The following ATP6V0A2 variants were observed in gnomAD, a reference collection of about 807,000 sequenced individuals.
ATP6V0A2 encodes the protein V-type proton ATPase 116 kDa subunit a 2.
ATP6V0A2 carries 58 observed loss-of-function variants against 104.4 expected under a neutral mutation model. The ratio of observed to expected loss-of-function variants is 0.56; its 90% CI spans 0.45 to 0.69. The LOEUF is 0.69. ATP6V0A2 is among the 30% of genes least tolerant of loss of function. ATP6V0A2 has a pLI of 0.00. For synonymous variants in ATP6V0A2, 376 were observed against 397.9 expected (o/e 0.95, Z 0.65); for missense variants, 938 against 1,062.9 (o/e 0.88, Z 1.63).
chr12:123,716,223 C>T (rs760614791), intron 1 of ATP6V0A2, among the ~76,000 whole-genome samples: 25 of 152,094 alleles, frequency 1.6e-4, no homozygotes, highest in Non-Finnish European at 2.6e-4. Context: ...CGCGCCACCA[C>T]GCCTGGCTAA....
rs1406023742 is a variant in ATP6V0A2 at position 123,748,656 on chromosome 12, A to G, written c.1806A>G (p.Ile602Met). 1.9e-6 allele frequency: 3 copies of G among 1,613,970 alleles called. No homozygotes were observed. The East Asian group carries it at 6.7e-5, about 36-fold the overall frequency. ...TGCTCTGTATCTTTGGATACCTTAT[A>G]TTTATGATTTTCTACAAGTGGCTGG... Reference protein sequence around the residue: ...LFMLCIFGYLIFMIFYKWLVF... With the variant: ...LFMLCIFGYLMFMIFYKWLVF... Residue 602 changes from isoleucine (I) to methionine (M), a missense_variant, in exon 15 of 20, where the codon ATA becomes ATG. Transcript: ENST00000330342.
At position 123,744,059 on chromosome 12, in the gene ATP6V0A2, T is replaced by A; in HGVS notation, c.1189+124T>A. On this transcript the variant is annotated intron_variant, in intron 10 of 19. Transcript: ENST00000330342. This position sits in a 1 kb window ranked among gnomAD's most constrained non-coding sequence, Gnocchi z 5.4. Reference sequence around the variant, plus strand: ...ACTTTTTTGCTATCTTATTTAAAAGTATAAGGTTTTAAATGTAACCACACA... The same window carrying A: ...ACTTTTTTGCTATCTTATTTAAAAGAATAAGGTTTTAAATGTAACCACACA... The A allele has an allele frequency of 6.5e-7, 1 of 1,530,950 alleles. No homozygotes were observed. The highest frequency in any genetic ancestry group is 9.0e-7 in the Non-Finnish European group (1 of 1,106,340). 94.8% of individuals were successfully genotyped at this position (1,530,950 alleles called of 1,614,324 possible).
chr12:123,715,667 A>G (rs150655285), intron 1 of ATP6V0A2, among the ~76,000 whole-genome samples: 101 of 152,366 alleles, frequency 6.6e-4, no homozygotes, highest in African/African-American at 2.4e-3. Flanking sequence ...ATTGTGAGAA[A>G]TGTGGAAAAC....
intron 2 of ATP6V0A2, among the ~76,000 whole-genome samples, chr12:123,720,595 G>A (rs1282045683): frequency 6.6e-6 from 1 of 152,184 alleles, no homozygotes; most frequent in African/African-American, 2.4e-5. Flanking sequence ...TCAGGAGGCT[G>A]AGGTGGGAGA....
chr12:123,718,829 A>G (rs1222708311), intron 2 of ATP6V0A2, 128 bp downstream of exon 2: 1 of 653,486 alleles, frequency 1.5e-6, no homozygotes, highest in African/African-American at 1.8e-5. Context: ...CTCATTCAGA[A>G]GTAATCACAG....
chr12:123,750,725 A>T (rs555295063), intron 15 of ATP6V0A2: 5 of 295,540 alleles, frequency 1.7e-5, no homozygotes. Context: ...TAGTCCTCAG[A>T]CGGTCTTTAT....
At chr12:123,746,194 T>G (rs2135912035) in intron 13 of ATP6V0A2, among the ~76,000 whole-genome samples, 1 of 152,186 alleles carries the variant, frequency 6.6e-6, no homozygotes, top group African/African-American at 2.4e-5. Flanking sequence ...TGAGTGAGTT[T>G]TTTTTTTGGG....
intron 9 of ATP6V0A2, among the ~76,000 whole-genome samples, chr12:123,738,098 C>T (rs546040614): frequency 6.6e-6 from 1 of 152,286 alleles, no homozygotes; most frequent in South Asian, 2.1e-4. Flanking sequence ...AAGGGGAATA[C>T]CTTTTTTTTG....
chr12:123,740,241 C>T (rs1343019645), intron 9 of ATP6V0A2, among the ~76,000 whole-genome samples: 5 of 149,242 alleles, frequency 3.4e-5, no homozygotes, highest in African/African-American at 7.4e-5. Context: ...CTGGCTCTTT[C>T]GCCCACGCTG....
intron 15 of ATP6V0A2, 78 bp from the exon 16 acceptor site, chr12:123,751,032 C>G: frequency 3.1e-6 from 5 of 1,590,732 alleles, no homozygotes; most frequent in East Asian, 4.5e-5. Context: ...TCGATCTTTC[C>G]TGATTTCATC....
At chr12:123,741,110 C>T (rs1278952393) in intron 9 of ATP6V0A2, among the ~76,000 whole-genome samples, 2 of 152,092 alleles carry the variant, frequency 1.3e-5, no homozygotes, top group East Asian at 3.9e-4. Flanking sequence ...TTGGGCTTCT[C>T]CCTCCTCTTG....
intron 17 of ATP6V0A2, among the ~76,000 whole-genome samples, chr12:123,753,631 C>T (rs975406203): frequency 1.3e-5 from 2 of 152,214 alleles, no homozygotes; most frequent in Admixed American, 1.3e-4. Flanking sequence ...AGGGCTTCAG[C>T]ATAAGACTTT....
intron 7 of ATP6V0A2, among the ~76,000 whole-genome samples, 183 bp downstream of exon 7, chr12:123,734,191 A>G (rs1222283749): frequency 6.6e-6 from 1 of 152,226 alleles, no homozygotes; most frequent in African/African-American, 2.4e-5. Flanking sequence ...CATTACTTAA[A>G]ATAATTTAAA....
intron 6 of ATP6V0A2, among the ~76,000 whole-genome samples, chr12:123,729,744 G>C (rs988911680): frequency 6.6e-6 from 1 of 152,094 alleles, no homozygotes; most frequent in Non-Finnish European, 1.5e-5. Flanking sequence ...AGGAATTTTG[G>C]CTGTAAGATT....
rs763576273 is a variant in ATP6V0A2 at position 123,744,889 on chromosome 12, G to A, written c.1522G>A (p.Val508Ile). 5.6e-6 allele frequency: 9 copies of A among 1,614,060 alleles called. No individual in the cohort carries two copies. Among genetic ancestry groups the A allele is most frequent in the Middle Eastern group, 1.6e-4 (1 of 6,084 alleles). ...HKKMVLWNDSVVRHNSILQLD... is the reference protein window; with the variant it reads ...HKKMVLWNDSIVRHNSILQLD... ...CTCTGCTTTTTGTTACAGTGACAGC[G>A]TCGTTAGACACAACAGCATTTTGCA... The change falls in exon 13 of 20, where the codon GTC (valine) becomes ATC (isoleucine). Residue 508 changes from valine to isoleucine, a missense_variant. Transcript: ENST00000330342. The surrounding 1 kb of genome is among the most constrained non-coding windows in gnomAD (Gnocchi z 5.4).
chr12:123,734,396 C>G (rs1405032782), intron 7 of ATP6V0A2, among the ~76,000 whole-genome samples: 1 of 152,080 alleles, frequency 6.6e-6, no homozygotes, highest in Non-Finnish European at 1.5e-5. Context: ...AGGGGTGTGG[C>G]GTGTGGTGAG....
chr12:123,728,925 G>T (rs1267374944), intron 6 of ATP6V0A2, among the ~76,000 whole-genome samples: 1 of 151,968 alleles, frequency 6.6e-6, no homozygotes, highest in Non-Finnish European at 1.5e-5. Context: ...CACTTGATTA[G>T]TTCCATTACT....
intron 1 of ATP6V0A2, among the ~76,000 whole-genome samples, chr12:123,715,440 T>TA (rs937233177): frequency 9.9e-5 from 15 of 151,380 alleles, no homozygotes; most frequent in Admixed American, 5.3e-4. Flanking sequence ...CTGGTTCTTT[T>TA]AAAAAAAAAG....
chr12:123,735,651 C>G (rs1356871770), intron 8 of ATP6V0A2, 27 bp downstream of exon 8: 1 of 1,567,128 alleles, frequency 6.4e-7, no homozygotes, highest in Admixed American at 1.7e-5. Context: ...TGGATTGCCT[C>G]TTTATCTGAG....
Sources: allele counts gnomAD v4.1 joint callset (sites outside exome capture counted in the v4.1 genomes callset), GRCh38; gene constraint gnomAD v4.1.1; non-coding constraint Gnocchi (gnomAD v3.1); transcripts MANE v1.5; gene names NCBI Gene and HGNC (gene_info 2026-07-23, HGNC 2026-07-21).